SCFD1: variants seen among roughly 807,000 people sequenced by gnomAD.
The protein encoded by SCFD1 is sec1 family domain-containing protein 1.
Under a neutral mutation model 103.2 loss-of-function variants are expected in SCFD1, and 37 were observed. The observed-to-expected ratio is 0.36, with a 90% CI of 0.28 to 0.47. The LOEUF is 0.47. SCFD1 is among the 20% of genes least tolerant of loss of function. The pLI is 1.00. For missense variants in SCFD1, 639 were observed against 761.2 expected, an observed-to-expected ratio of 0.84 and a Z score of 1.89; for synonymous variants, 264 against 245.0, an observed-to-expected ratio of 1.08 and a Z score of -0.73.
intron 4 of SCFD1, 53 bp from the exon 5 acceptor site, chr14:30,638,072 G>C (rs1884906959): frequency 1.3e-5 from 19 of 1,486,222 alleles, no homozygotes; most frequent in Non-Finnish European, 1.6e-5. Context: ...TGAAACATAT[G>C]TATTCATGGT....
At chr14:30,629,384 T>A (rs904208324) in intron 2 of SCFD1, among the ~76,000 whole-genome samples, 1 of 152,106 alleles carries the variant, frequency 6.6e-6, no homozygotes, top group Admixed American at 6.6e-5. Flanking sequence ...CCATAAATAA[T>A]TATTGAGGTA....
intron 23 of SCFD1, among the ~76,000 whole-genome samples, chr14:30,724,072 TAAAAA>T (rs59654790): frequency 0.3 from 27,060 of 91,050 alleles, 3,543 homozygotes; most frequent in Middle Eastern, 0.38. Context: ...ACCAGTATCT[TAAAAA>T]AAAAAAAAAA....
chr14:30,689,861 C>T (rs1229643846), intron 14 of SCFD1, among the ~76,000 whole-genome samples: 10 of 138,240 alleles, frequency 7.2e-5, no homozygotes, highest in South Asian at 2.5e-4. Flanking sequence ...TGAGGAACTG[C>T]GTTCCTTTGG....
intron 23 of SCFD1, among the ~76,000 whole-genome samples, chr14:30,724,849 A>C (rs561490972): frequency 1.1e-4 from 16 of 152,028 alleles, no homozygotes; most frequent in African/African-American, 3.1e-4. Flanking sequence ...ATCCATCTTG[A>C]GTTGATTTTT....
chr14:30,712,794 T>C (rs1037450166), intron 19 of SCFD1, among the ~76,000 whole-genome samples: 1 of 152,172 alleles, frequency 6.6e-6, no homozygotes, highest in African/African-American at 2.4e-5. Context: ...AAAATTTAGT[T>C]GCTAACTATA....
At chr14:30,678,468 A>T (rs1314360873) in intron 14 of SCFD1, among the ~76,000 whole-genome samples, 2 of 152,094 alleles carry the variant, frequency 1.3e-5, no homozygotes, top group South Asian at 4.1e-4. Flanking sequence ...ATTTGTTTTG[A>T]GTCATCTATA....
At chr14:30,734,194 A>G (rs1000418514) in intron 23 of SCFD1, among the ~76,000 whole-genome samples, 2 of 152,232 alleles carry the variant, frequency 1.3e-5, no homozygotes, top group African/African-American at 4.8e-5. Context: ...TACAAAAGAA[A>G]TCTCATGAAT....
At chr14:30,700,435 G>A (rs1231103673) in intron 16 of SCFD1, among the ~76,000 whole-genome samples, 177 bp downstream of exon 16, 1 of 152,192 alleles carries the variant, frequency 6.6e-6, no homozygotes, top group Non-Finnish European at 1.5e-5. Flanking sequence ...CACTTTGGGA[G>A]GCCGAGGCAG....
intron 6 of SCFD1, 74 bp from the exon 7 acceptor site, chr14:30,643,242 A>G (rs765343841): frequency 9.5e-6 from 9 of 951,754 alleles, no homozygotes. Context: ...GAATTTAGTA[A>G]TAATTTTAGG....
At chr14:30,680,018 AG>A (rs1294568335) in intron 14 of SCFD1, among the ~76,000 whole-genome samples, 1 of 152,172 alleles carries the variant, frequency 6.6e-6, no homozygotes, top group Middle Eastern at 3.2e-3. Flanking sequence ...TTTTATTGCA[AG>A]TATGACAAAA....
intron 14 of SCFD1, chr14:30,683,262 T>A: frequency 9.5e-7 from 1 of 1,050,070 alleles, no homozygotes; most frequent in Middle Eastern, 3.1e-4. Flanking sequence ...TGTCCAGGCA[T>A]ATGTTACCCT....
At chr14:30,695,012 A>C in intron 15 of SCFD1, 143 bp downstream of exon 15, 1 of 1,430,006 alleles carries the variant, frequency 7.0e-7, no homozygotes, top group Non-Finnish European at 9.2e-7. Flanking sequence ...ATTTTCTGGT[A>C]AAATTTTATA....
chr14:30,649,607 GGA>G (rs1886210301), intron 8 of SCFD1, 24 bp downstream of exon 8: 1 of 1,537,326 alleles, frequency 6.5e-7, no homozygotes, highest in Admixed American at 2.1e-5. Flanking sequence ...GATATCACGT[GGA>G]GATAAATAAC....
In SCFD1 at chr14:30,719,314, T is replaced by G. The variant is rs766668377; in HGVS notation, c.1684-11T>G. On this transcript the variant is annotated splice_polypyrimidine_tract_variant and intron_variant, in intron 20 of 24. Transcript: ENST00000458591. ...TCCACAGTCATGGTAAAGTTCTATT[T>G]TTTTTAATAGGAAACTGATGACTAT... The G allele has an allele frequency of 6.3e-7, 1 of 1,578,320 alleles. No individual in the cohort carries two copies. Among genetic ancestry groups the G allele is most frequent in the South Asian group, 1.2e-5 (1 of 86,940 alleles).
chr14:30,628,561 T>G (rs1883767669), intron 2 of SCFD1, among the ~76,000 whole-genome samples: 1 of 152,208 alleles, frequency 6.6e-6, no homozygotes, highest in African/African-American at 2.4e-5. Context: ...GTTCCTTAGC[T>G]TTTCAAGTCC....
intron 20 of SCFD1, among the ~76,000 whole-genome samples, chr14:30,716,836 A>G (rs1892312709): frequency 6.6e-6 from 1 of 152,252 alleles, no homozygotes; most frequent in Non-Finnish European, 1.5e-5. Context: ...ACAAAGATAC[A>G]GTGTAATAAA....
chr14:30,701,751 A>T (rs1277497572), intron 16 of SCFD1, among the ~76,000 whole-genome samples: 5 of 152,186 alleles, frequency 3.3e-5, no homozygotes, highest in African/African-American at 1.2e-4. Context: ...TCGTTAAGAT[A>T]GGCTCCTTTA....
intron 18 of SCFD1, among the ~76,000 whole-genome samples, chr14:30,707,164 A>G (rs1024208753): frequency 6.6e-6 from 1 of 152,238 alleles, no homozygotes; most frequent in African/African-American, 2.4e-5. Context: ...TTAGCCTATT[A>G]GAGTTCTTAT....
chr14:30,651,824 G>A (rs1886418783), intron 9 of SCFD1, among the ~76,000 whole-genome samples: 1 of 152,100 alleles, frequency 6.6e-6, no homozygotes, highest in African/African-American at 2.4e-5. Context: ...ACCATAGGCT[G>A]GTGATTTTCA....
Sources: allele counts gnomAD v4.1 joint callset (sites outside exome capture counted in the v4.1 genomes callset), GRCh38; gene constraint gnomAD v4.1.1; transcripts MANE v1.5; gene names NCBI Gene and HGNC (gene_info 2026-07-23, HGNC 2026-07-21).